DLG2: variants seen among roughly 807,000 people sequenced by gnomAD.
DLG2 encodes disks large homolog 2.
DLG2 carries 45 observed loss-of-function variants against 132.5 expected under a neutral mutation model. The observed-to-expected ratio is 0.34, with a 90% CI of 0.27 to 0.44. The LOEUF is 0.44. DLG2 is among the 20% of genes least tolerant of loss of function. DLG2 has a pLI of 1.00. For synonymous variants in DLG2, 424 were observed against 419.6 expected (o/e 1.01, Z -0.13); for missense variants, 1,045 against 1,196.9 (o/e 0.87, Z 1.87).
intron 11 of DLG2, among the ~76,000 whole-genome samples, chr11:84,024,338 C>A (rs540348590): frequency 3.9e-5 from 6 of 152,286 alleles, no homozygotes; most frequent in African/African-American, 1.4e-4. Flanking sequence ...TACAGCCTTG[C>A]AGCCTAGCAG....
At chr11:85,184,018 CA>C (rs2079915438) in intron 4 of DLG2, among the ~76,000 whole-genome samples, 1 of 151,906 alleles carries the variant, frequency 6.6e-6, no homozygotes, top group South Asian at 2.1e-4. Context: ...TAAGAATCAG[CA>C]GATAAATAAT....
At chr11:85,480,433 C>G (rs1333080245) in intron 3 of DLG2, among the ~76,000 whole-genome samples, 1 of 151,836 alleles carries the variant, frequency 6.6e-6, no homozygotes, top group Non-Finnish European at 1.5e-5. Flanking sequence ...TGAACAGGAG[C>G]TACAAGTATC....
chr11:85,435,993 T>G (rs939680418), intron 3 of DLG2, among the ~76,000 whole-genome samples: 1 of 152,100 alleles, frequency 6.6e-6, no homozygotes, highest in Non-Finnish European at 1.5e-5. Flanking sequence ...GATAGAGTCC[T>G]CAGAAATAAC....
intron 15 of DLG2, among the ~76,000 whole-genome samples, chr11:83,890,136 T>C (rs2069308432): frequency 6.6e-6 from 1 of 152,064 alleles, no homozygotes; most frequent in South Asian, 2.1e-4. Flanking sequence ...AGAAATTTTA[T>C]ATAAAAATAG....
At chr11:84,864,782 G>A (rs982279924) in intron 6 of DLG2, among the ~76,000 whole-genome samples, 1 of 152,122 alleles carries the variant, frequency 6.6e-6, no homozygotes, top group African/African-American at 2.4e-5. Context: ...ACCCGGGAAG[G>A]TCGGGAAAGC....
intron 9 of DLG2, among the ~76,000 whole-genome samples, chr11:84,101,087 C>T (rs927357125): frequency 1.3e-5 from 2 of 152,098 alleles, no homozygotes; most frequent in Non-Finnish European, 2.9e-5. Context: ...ATTTATTAAA[C>T]ACCACCTCTG....
chr11:85,488,363 T>C (rs1200855017), intron 3 of DLG2, among the ~76,000 whole-genome samples: 2 of 150,912 alleles, frequency 1.3e-5, no homozygotes, highest in Admixed American at 1.3e-4. Flanking sequence ...CACTCCAGCC[T>C]AGGTGACACA....
At chr11:85,527,176 A>ATTTT (rs57616528) in intron 3 of DLG2, among the ~76,000 whole-genome samples, 1 of 142,966 alleles carries the variant, frequency 7.0e-6, no homozygotes. Context: ...GGATGTTTTT[A>ATTTT]TTTTTTTTTT....
At chr11:84,326,888 G>C (rs1466340692) in intron 7 of DLG2, among the ~76,000 whole-genome samples, 1 of 151,692 alleles carries the variant, frequency 6.6e-6, no homozygotes, top group African/African-American at 2.4e-5. Context: ...TTATATATTT[G>C]GGTGCTCTGA....
At chr11:83,656,972 C>T (rs1463295908) in intron 18 of DLG2, among the ~76,000 whole-genome samples, 2 of 152,058 alleles carry the variant, frequency 1.3e-5, no homozygotes, top group Non-Finnish European at 2.9e-5. Context: ...GCCTTTGTTA[C>T]CCCCATGAGT....
chr11:84,134,075 C>T (rs930551956), intron 9 of DLG2, among the ~76,000 whole-genome samples: 3 of 151,982 alleles, frequency 2.0e-5, no homozygotes, highest in African/African-American at 4.8e-5. Context: ...TGCCTGTACT[C>T]GGTTAGATGC....
intron 13 of DLG2, among the ~76,000 whole-genome samples, chr11:83,964,569 A>G (rs2089737875): frequency 6.6e-6 from 1 of 152,016 alleles, no homozygotes. Flanking sequence ...GAGCAAGCTT[A>G]CTACTGTTGA....
At chr11:83,576,489 T>A (rs927690348) in intron 19 of DLG2, among the ~76,000 whole-genome samples, 2 of 151,556 alleles carry the variant, frequency 1.3e-5, no homozygotes, top group African/African-American at 4.9e-5. Flanking sequence ...ATCAAACAGC[T>A]TAGTAGCACT....
chr11:84,476,064 G>T (rs948395711), intron 7 of DLG2, among the ~76,000 whole-genome samples: 2 of 151,968 alleles, frequency 1.3e-5, no homozygotes, highest in African/African-American at 4.8e-5. Flanking sequence ...CAAATAACAA[G>T]AAATAATAAG....
rs193273055 is a variant in DLG2, at chr11:84,340,124, G to A, written c.520-88833C>T. ...ATGAAGTATTTTGCAGGAGAGTCTG[G>A]TTTATTTGCTAATTGGTAGTATCTA... On this transcript the variant is annotated intron_variant, in intron 7 of 27. Coordinates refer to ENST00000376104, the MANE Select transcript of DLG2 (RefSeq NM_001142699.3). Among the ~76,000 whole-genome samples the A allele has an allele frequency of 2.2e-3, 335 of 152,260 alleles. 1 individual carries two copies. Among genetic ancestry groups the A allele is most frequent in the African/African-American group, 7.8e-3 (324 of 41,554 alleles).
chr11:85,060,444 C>A (rs954409165), intron 6 of DLG2, among the ~76,000 whole-genome samples: 1 of 148,910 alleles, frequency 6.7e-6, no homozygotes, highest in Non-Finnish European at 1.5e-5. Flanking sequence ...TATATATACA[C>A]GCATATGCAT....
At chr11:84,500,590 G>A (rs767479914) in intron 7 of DLG2, among the ~76,000 whole-genome samples, 59 of 152,190 alleles carry the variant, frequency 3.9e-4, no homozygotes, top group Non-Finnish European at 2.9e-4. Flanking sequence ...TCTAGCTTTC[G>A]TCACCTAAAT....
intron 11 of DLG2, among the ~76,000 whole-genome samples, chr11:84,021,339 A>G (rs1341167237): frequency 6.8e-6 from 1 of 146,204 alleles, no homozygotes; most frequent in Non-Finnish European, 1.5e-5. Context: ...TTTCAACTTC[A>G]CCAAGCTGAG....
intron 18 of DLG2, among the ~76,000 whole-genome samples, chr11:83,654,890 G>A (rs1463931928): frequency 2.0e-5 from 3 of 152,208 alleles, no homozygotes; most frequent in African/African-American, 4.8e-5. Context: ...ATCTAGAGAT[G>A]GGGGCATGGA....
Sources: allele counts gnomAD v4.1 joint callset (sites outside exome capture counted in the v4.1 genomes callset), GRCh38; gene constraint gnomAD v4.1.1; transcripts MANE v1.5; gene names NCBI Gene and HGNC (gene_info 2026-07-23, HGNC 2026-07-21).